LUC7L3: variants seen among roughly 807,000 people sequenced by gnomAD.
LUC7L3 encodes LUC7 like 3 pre-mRNA splicing factor.
In LUC7L3, 6 loss-of-function variants were observed where a neutral mutation model predicts 66.8. The ratio of observed to expected loss-of-function variants is 0.09; its 90% confidence interval spans 0.05 to 0.18. LUC7L3 has a LOEUF of 0.18. Among genes scored for constraint, LUC7L3 ranks in the 10% least tolerant of loss-of-function variants. LUC7L3 has a pLI of 1.00. For missense variants in LUC7L3, 341 were observed against 531.1 expected (o/e 0.64, Z 3.52); for synonymous variants, 160 against 174.7 (o/e 0.92, Z 0.66).
At chr17:50,744,902 C>T in intron 7 of LUC7L3, 89 bp downstream of exon 7, 6 of 1,096,904 alleles carry the variant, frequency 5.5e-6, no homozygotes, top group Non-Finnish European at 6.5e-6. Flanking sequence ...ACCTCCACCT[C>T]CCAGGTTTAA....
At chr17:50,737,385 A>C (rs1029551445) in intron 2 of LUC7L3, 1 of 458,554 alleles carries the variant, frequency 2.2e-6, no homozygotes, top group East Asian at 6.7e-5. Flanking sequence ...GAGCAGAGCA[A>C]CCTGTACCCT....
chr17:50,729,143 C>T (rs958844392), intron 1 of LUC7L3, among the ~76,000 whole-genome samples: 1 of 152,114 alleles, frequency 6.6e-6, no homozygotes, highest in Non-Finnish European at 1.5e-5. Flanking sequence ...TGATATCAAA[C>T]ATTGAGATAA....
In LUC7L3 at chr17:50,751,912, C is replaced by G. The variant is rs999692723; in HGVS notation, c.*1251C>G. 1 of 1,027,382 alleles carries G rather than the reference C, an allele frequency of 9.7e-7. No individual in the cohort carries two copies. The highest frequency in any genetic ancestry group is 1.2e-6 in the Non-Finnish European group (1 of 854,926). 63.6% of individuals were successfully genotyped at this position (1,027,382 alleles called of 1,614,324 possible). On this transcript the variant is annotated 3_prime_UTR_variant, in exon 10 of 10. Transcript: ENST00000505658. ...CATTCTGTGGGCTAGTGGTGTGGGA[C>G]AAAATATTCCTAATGAAAGGAAGTA...
At chr17:50,733,794 T>G (rs1179547239) in intron 1 of LUC7L3, among the ~76,000 whole-genome samples, 1 of 152,224 alleles carries the variant, frequency 6.6e-6, no homozygotes, top group Non-Finnish European at 1.5e-5. Flanking sequence ...AATAATAGAT[T>G]CTGGCAATAA....
chr17:50,749,126 T>A, intron 9 of LUC7L3: 1 of 961,026 alleles, frequency 1.0e-6, no homozygotes, highest in Non-Finnish European at 1.4e-6. Context: ...GCTCTCTTTG[T>A]CAAGAGAGTT....
intron 9 of LUC7L3, among the ~76,000 whole-genome samples, chr17:50,748,646 C>G (rs1452181853): frequency 6.6e-6 from 1 of 151,870 alleles, no homozygotes; most frequent in Non-Finnish European, 1.5e-5. Context: ...TTTCGTTAAG[C>G]GGAATAAGCT....
Position 50,754,475 on chromosome 17 carries a change from T to C in LUC7L3, c.*3814T>C, listed in dbSNP as rs1472892421. 6.6e-6 allele frequency: 1 copy of C among 152,192 alleles called. No homozygotes were observed. The highest frequency in any genetic ancestry group is 1.5e-5 in the Non-Finnish European group (1 of 68,026). 9.4% of individuals were successfully genotyped at this position (152,192 alleles called of 1,614,324 possible). A position where few individuals can be genotyped will look rare whatever the true frequency, so the allele number is the denominator to read the frequency against. ...AAAGACCTCTTAAATAACAGTTCAT[T>C]AGTATAAAACAAATTGGGTAAACTT... On this transcript the variant is annotated 3_prime_UTR_variant, in exon 10 of 10. Coordinates refer to ENST00000505658, the MANE Select transcript of LUC7L3 (RefSeq NM_016424.5).
intron 9 of LUC7L3, 124 bp from the exon 10 acceptor site, chr17:50,750,377 C>A: frequency 1.1e-6 from 1 of 875,092 alleles, no homozygotes; most frequent in Non-Finnish European, 1.8e-6. Context: ...ATTCACCAAA[C>A]CGTTGCTTGC....
chr17:50,724,611 T>TG (rs1969033467), intron 1 of LUC7L3, among the ~76,000 whole-genome samples: 1 of 147,170 alleles, frequency 6.8e-6, no homozygotes, highest in Admixed American at 6.8e-5. Context: ...TTTAGGAAAA[T>TG]TGTGTGTGTG....
At chr17:50,732,767 C>T (rs868631869) in intron 1 of LUC7L3, among the ~76,000 whole-genome samples, 2 of 152,044 alleles carry the variant, frequency 1.3e-5, no homozygotes, top group Admixed American at 6.6e-5. Flanking sequence ...AGACAGGTTG[C>T]GTTCTGTCAC....
chr17:50,754,247 A>AAC lies in LUC7L3; in HGVS notation c.*3587_*3588insCA, dbSNP rs1567884569. The AAC allele has an allele frequency of 6.6e-6, 1 of 152,122 alleles. No homozygotes were observed. The highest frequency in any genetic ancestry group is 2.4e-5 in the African/African-American group (1 of 41,390). 9.4% of individuals were successfully genotyped at this position (152,122 alleles called of 1,614,324 possible). A position where few individuals can be genotyped will look rare whatever the true frequency, so the allele number is the denominator to read the frequency against. On this transcript the variant is annotated 3_prime_UTR_variant, in exon 10 of 10. Coordinates refer to ENST00000505658, the MANE Select transcript of LUC7L3 (RefSeq NM_016424.5). The stretch of plus-strand genomic sequence containing the variant: ...CAATCAGTTGGTCTTAAAAAAAAAA[A>AAC]AACTTTATTTTGGAAATTTAAAGAC...
rs914079244 is a variant in LUC7L3, at chr17:50,754,624, T to C, written c.*3963T>C. On this transcript the variant is annotated 3_prime_UTR_variant, in exon 10 of 10. Coordinates refer to ENST00000505658, the MANE Select transcript of LUC7L3 (RefSeq NM_016424.5). ...CTCTGGAATGTAGAGATAATACATA[T>C]CATGCTCCTTTTTGTTAAAACGTTT... 6.6e-6 allele frequency: 1 copy of C among 152,198 alleles called. No individual in the cohort carries two copies. The highest frequency in any genetic ancestry group is 1.5e-5 in the Non-Finnish European group (1 of 68,024). The allele number at this position is 152,198 out of a possible 1,614,324, so 9.4% of individuals were successfully genotyped here.
chr17:50,743,840 T>TGTCCCCTTATTTCACATTATCTCAC lies in LUC7L3; in HGVS notation c.531+30_531+31insGTCCCCTTATTTCACATTATCTCAC, dbSNP rs1567874441. The TGTCCCCTTATTTCACATTATCTCAC allele has an allele frequency of 2.1e-6, 3 of 1,454,350 alleles. No homozygotes were observed. The African/African-American group carries it at 4.2e-5, about 21-fold the overall frequency. The allele number at this position is 1,454,350 out of a possible 1,614,324, so 90.1% of individuals were successfully genotyped here. ...GTAAACCTTATTTCACATTATCTCA[T>TGTCCCCTTATTTCACATTATCTCAC]CTGTCTGTTAACAGTTAGTAGGAAC... On this transcript the variant is annotated intron_variant, in intron 6 of 9. Coordinates refer to ENST00000505658, the MANE Select transcript of LUC7L3 (RefSeq NM_016424.5).
intron 1 of LUC7L3, among the ~76,000 whole-genome samples, chr17:50,731,165 A>G (rs757905609): frequency 9.9e-5 from 15 of 152,124 alleles, no homozygotes; most frequent in Non-Finnish European, 1.9e-4. Context: ...TAAGAAACGA[A>G]TTCTCTGGGT....
chr17:50,751,644 C>G lies in LUC7L3; in HGVS notation c.*983C>G. ...TCGCCTTGTTACACTCAATGCAATT[C>G]TCAAGTCTATAAGAGGTATGTGCTT... On this transcript the variant is annotated 3_prime_UTR_variant, in exon 10 of 10. Coordinates refer to ENST00000505658, the MANE Select transcript of LUC7L3 (RefSeq NM_016424.5). The G allele has an allele frequency of 9.0e-7, 1 of 1,116,074 alleles. No individual in the cohort carries two copies. The allele number at this position is 1,116,074 out of a possible 1,614,324, so 69.1% of individuals were successfully genotyped here.
chr17:50,724,438 TTC>T (rs1461100896), intron 1 of LUC7L3, among the ~76,000 whole-genome samples: 2 of 152,006 alleles, frequency 1.3e-5, no homozygotes, highest in Non-Finnish European at 2.9e-5. Flanking sequence ...GGAGGATCCT[TTC>T]AACCCAGGAG....
chr17:50,727,312 A>C (rs1465412100), intron 1 of LUC7L3, among the ~76,000 whole-genome samples: 1 of 152,152 alleles, frequency 6.6e-6, no homozygotes, highest in Non-Finnish European at 1.5e-5. Flanking sequence ...CTGTACAAGA[A>C]GCATTGTAGC....
intron 1 of LUC7L3, among the ~76,000 whole-genome samples, chr17:50,725,284 C>CCTGTAATCCCAGCTACT (rs1969104456): frequency 6.6e-6 from 1 of 152,186 alleles, no homozygotes; most frequent in South Asian, 2.1e-4. Context: ...GTGGCGCACG[C>CCTGTAATCCCAGCTACT]CTGTAATCCC....
chr17:50,726,156 A>G (rs1969167214), intron 1 of LUC7L3, among the ~76,000 whole-genome samples: 1 of 98,520 alleles, frequency 1.0e-5, no homozygotes, highest in Non-Finnish European at 2.1e-5. Context: ...AATACCGTAT[A>G]AACTTGTTGT....
Sources: allele counts gnomAD v4.1 joint callset (sites outside exome capture counted in the v4.1 genomes callset), GRCh38; gene constraint gnomAD v4.1.1; transcripts MANE v1.5; gene names NCBI Gene and HGNC (gene_info 2026-07-23, HGNC 2026-07-21).